The following PTPRT variants were observed in gnomAD, a reference collection of about 807,000 sequenced individuals.
PTPRT encodes the protein receptor-type tyrosine-protein phosphatase T.
In PTPRT, 56 loss-of-function variants were observed where a neutral mutation model predicts 176.8. That is an observed-to-expected ratio of 0.32 (90% CI 0.26 to 0.40). PTPRT has a LOEUF of 0.40. Ranked by LOEUF, PTPRT falls within the 10% of genes least tolerant of loss-of-function variation. The pLI, the probability that PTPRT is intolerant of heterozygous loss-of-function variation, is 1.00. For synonymous variants in PTPRT, 783 were observed against 739.0 expected (o/e 1.06, Z -0.96); for missense variants, 1,540 against 1,908.2 (o/e 0.81, Z 3.60).
intron 9 of PTPRT, among the ~76,000 whole-genome samples, chr20:42,443,135 T>C (rs981085401): frequency 2.0e-5 from 3 of 152,246 alleles, no homozygotes; most frequent in Non-Finnish European, 4.4e-5. Context: ...AATGATCACG[T>C]TATTCATGCA....
chr20:42,462,475 C>T (rs1223606209), intron 8 of PTPRT, among the ~76,000 whole-genome samples: 2 of 152,128 alleles, frequency 1.3e-5, no homozygotes, highest in East Asian at 3.9e-4. Context: ...GGGGATTATG[C>T]AAGGATGTAA....
chr20:42,129,858 G>A (rs976680085), intron 18 of PTPRT, among the ~76,000 whole-genome samples: 2 of 152,202 alleles, frequency 1.3e-5, no homozygotes, highest in Admixed American at 6.5e-5. Flanking sequence ...GGGACATTAT[G>A]CCTTATTCCC....
chr20:43,095,772 C>T (rs1014061236), intron 1 of PTPRT, among the ~76,000 whole-genome samples: 1 of 149,442 alleles, frequency 6.7e-6, no homozygotes, highest in Non-Finnish European at 1.5e-5. Context: ...TCCAACCTCT[C>T]CCTCCCTTTT....
chr20:43,004,572 G>A (rs1283577286), intron 1 of PTPRT, among the ~76,000 whole-genome samples: 3 of 152,156 alleles, frequency 2.0e-5, no homozygotes, highest in Admixed American at 2.0e-4. Context: ...ACTTTCAACT[G>A]CCACCAATTG....
At chr20:42,478,153 G>A (rs1357987124) in intron 7 of PTPRT, among the ~76,000 whole-genome samples, 1 of 152,208 alleles carries the variant, frequency 6.6e-6, no homozygotes, top group Non-Finnish European at 1.5e-5. Context: ...TGAGGACTGA[G>A]GTTGCTGTGC....
At chr20:42,334,361 G>A (rs568483239) in intron 11 of PTPRT, among the ~76,000 whole-genome samples, 75 of 152,240 alleles carry the variant, frequency 4.9e-4, no homozygotes, top group African/African-American at 1.7e-3. Context: ...ACAAATTAAC[G>A]CTGGTTGAGA....
chr20:42,126,114 T>A (rs1568953606), intron 19 of PTPRT, among the ~76,000 whole-genome samples: 2 of 152,066 alleles, frequency 1.3e-5, no homozygotes, highest in African/African-American at 4.8e-5. Context: ...ACCAGCTGCA[T>A]GGCCTGAGAC....
At chr20:43,183,371 A>G (rs1019656662) in intron 1 of PTPRT, among the ~76,000 whole-genome samples, 3 of 152,226 alleles carry the variant, frequency 2.0e-5, no homozygotes, top group Admixed American at 2.0e-4. Context: ...TCTTGCAGCA[A>G]TGAGGCATCA....
chr20:42,258,261 C>T (rs1182363251), intron 13 of PTPRT, among the ~76,000 whole-genome samples: 1 of 152,172 alleles, frequency 6.6e-6, no homozygotes, highest in Non-Finnish European at 1.5e-5. Context: ...CTCGCACCCA[C>T]GTATCCTATT....
At chr20:42,996,046 TG>T (rs1302707518) in intron 1 of PTPRT, among the ~76,000 whole-genome samples, 2 of 152,172 alleles carry the variant, frequency 1.3e-5, no homozygotes, top group Admixed American at 1.3e-4. Context: ...TTGCCCAGGC[TG>T]GTATTGCCAT....
chr20:42,647,914 T>C (rs182030108), intron 7 of PTPRT, among the ~76,000 whole-genome samples: 1 of 152,296 alleles, frequency 6.6e-6, no homozygotes, highest in East Asian at 1.9e-4. Context: ...CATTAAGTAA[T>C]AACAAAGTCA....
intron 17 of PTPRT, among the ~76,000 whole-genome samples, chr20:42,156,233 CATAGCTCTGGAT>C (rs776911141): frequency 9.5e-4 from 145 of 152,340 alleles, no homozygotes; most frequent in Non-Finnish European, 1.4e-3. Context: ...CAAGGATTCT[CATAGCTCTGGAT>C]ATACCTCTAT....
intron 1 of PTPRT, among the ~76,000 whole-genome samples, chr20:43,142,155 C>T (rs1289141428): frequency 6.6e-6 from 1 of 152,226 alleles, no homozygotes; most frequent in Non-Finnish European, 1.5e-5. Flanking sequence ...GCCCTAGGCA[C>T]CTGGAAGTGC....
At chr20:43,094,643 C>T (rs562366283) in intron 1 of PTPRT, among the ~76,000 whole-genome samples, 76 of 151,956 alleles carry the variant, frequency 5.0e-4, no homozygotes, top group African/African-American at 1.7e-3. Flanking sequence ...AGTATCTGCC[C>T]GCCTCAGCCT....
At position 42,414,642 on chromosome 20, in the gene PTPRT, CAAG is replaced by C. The variant is rs565494816; in HGVS notation, c.1560+33575_1560+33577del. Among the ~76,000 whole-genome samples, 34 of 152,206 alleles carry C rather than the reference CAAG, an allele frequency of 2.2e-4. 2 individuals are homozygous for C. In the South Asian group the frequency reaches 6.4e-3, roughly 29 times the overall value. On this transcript the variant is annotated intron_variant, in intron 9 of 30. Coordinates refer to ENST00000373187, the MANE Select transcript of PTPRT (RefSeq NM_007050.6). ...TAATGATCAGTTCAAAAATGTAATGCAAGAAGAATCCTATACATAAAAGTCATC... is the reference window on the plus strand; with the variant it reads ...TAATGATCAGTTCAAAAATGTAATGCAAGAATCCTATACATAAAAGTCATC...
chr20:42,855,404 G>A (rs2078543404), intron 2 of PTPRT, among the ~76,000 whole-genome samples: 1 of 146,136 alleles, frequency 6.8e-6, no homozygotes, highest in South Asian at 2.2e-4. Flanking sequence ...GGGCCAAAAT[G>A]AAAGAAGAGT....
chr20:42,112,905 CT>C (rs887627974), intron 22 of PTPRT, among the ~76,000 whole-genome samples: 5 of 152,312 alleles, frequency 3.3e-5, no homozygotes, highest in Non-Finnish European at 5.9e-5. Flanking sequence ...AATACTTGGA[CT>C]TTTTTCACGC....
At chr20:42,178,923 G>C (rs1990405423) in intron 16 of PTPRT, among the ~76,000 whole-genome samples, 1 of 152,142 alleles carries the variant, frequency 6.6e-6, no homozygotes, top group Non-Finnish European at 1.5e-5. Flanking sequence ...GGGAGTGAGA[G>C]AGAGCACCCA....
chr20:42,367,462 C>T (rs114981615), intron 9 of PTPRT, among the ~76,000 whole-genome samples: 2,973 of 152,258 alleles, frequency 0.02, 99 homozygotes, highest in African/African-American at 0.069. Context: ...CAGGAACAAA[C>T]CAGTGAAGAC....
Sources: gnomAD v4.1 joint callset for allele counts (sites outside exome capture counted in the v4.1 genomes callset) on GRCh38, gnomAD v4.1.1 for gene constraint, MANE v1.5 for transcripts, NCBI Gene and HGNC (gene_info 2026-07-23, HGNC 2026-07-21) for gene names.